GTF2IRD1: variants seen among roughly 807,000 people sequenced by gnomAD.
GTF2IRD1 encodes the protein GTF2I repeat domain containing 1, also known as general transcription factor II-I repeat domain-containing protein 1.
In GTF2IRD1, 26 loss-of-function variants were observed where a neutral mutation model predicts 113.2. That is an observed-to-expected ratio of 0.23 (90% CI 0.17 to 0.32). The LOEUF (loss-of-function observed/expected upper bound fraction) is 0.32. Among genes scored for constraint, GTF2IRD1 ranks in the 10% least tolerant of loss-of-function variants. The pLI is 1.00. For synonymous variants in GTF2IRD1, 484 were observed against 529.1 expected, an observed-to-expected ratio of 0.91 and a Z score of 1.17; for missense variants, 864 against 1,280.8, an observed-to-expected ratio of 0.67 and a Z score of 4.97.
intron 14 of GTF2IRD1, among the ~76,000 whole-genome samples, chr7:74,542,511 G>C (rs1554352074): frequency 6.6e-6 from 1 of 152,206 alleles, no homozygotes; most frequent in African/African-American, 2.4e-5. Flanking sequence ...GTAATCACTG[G>C]GGACAAACAA....
Position 74,536,291 on chromosome 7 carries a change from TGGCCCCGGA to T in GTF2IRD1, c.1409+22_1409+30del. ...GGAATGCTCGGTGAGGCCCCGCCCC[TGGCCCCGGA>T]GGCCCGCGGCCAGCCCTGCTCTGGG... On this transcript the variant is annotated intron_variant, in intron 11 of 26. Transcript: ENST00000424337. 6.5e-7 allele frequency: 1 copy of T among 1,530,168 alleles called. No individual in the cohort carries two copies. The highest frequency in any genetic ancestry group is 1.1e-5 in the South Asian group (1 of 89,374). The allele number at this position is 1,530,168 out of a possible 1,614,324, so 94.8% of individuals were successfully genotyped here. A position where few individuals can be genotyped will look rare whatever the true frequency, so the allele number is the denominator to read the frequency against.
intron 1 of GTF2IRD1, among the ~76,000 whole-genome samples, chr7:74,491,728 T>C (rs1449336541): frequency 6.6e-6 from 1 of 152,218 alleles, no homozygotes; most frequent in Non-Finnish European, 1.5e-5. Context: ...CAGTCTATCA[T>C]TGATGGGCAT....
chr7:74,521,166 T>G (rs1562830661), intron 6 of GTF2IRD1, 42 bp from the exon 7 acceptor site: 3 of 1,196,612 alleles, frequency 2.5e-6, no homozygotes, highest in Non-Finnish European at 3.7e-6. Context: ...GGAACCCTCT[T>G]GGGTCCCACC....
intron 1 of GTF2IRD1, among the ~76,000 whole-genome samples, chr7:74,469,832 T>C (rs1261553503): frequency 2.0e-5 from 3 of 151,958 alleles, no homozygotes; most frequent in Non-Finnish European, 4.4e-5. Flanking sequence ...GCCTCCCAAG[T>C]AGCTGGGACT....
At chr7:74,480,312 T>C (rs782385456) in intron 1 of GTF2IRD1, among the ~76,000 whole-genome samples, 1 of 152,118 alleles carries the variant, frequency 6.6e-6, no homozygotes, top group Non-Finnish European at 1.5e-5. Context: ...CCCCTGTGAT[T>C]GTCCCCACGT....
intron 22 of GTF2IRD1, among the ~76,000 whole-genome samples, chr7:74,563,319 C>T (rs1192439111): frequency 1.6e-4 from 24 of 152,224 alleles, no homozygotes; most frequent in African/African-American, 5.1e-4. Context: ...GTGGCTCACG[C>T]CTGTAATTCC....
chr7:74,580,986 T>G (rs1554365960), intron 22 of GTF2IRD1, among the ~76,000 whole-genome samples: 1 of 152,146 alleles, frequency 6.6e-6, no homozygotes, highest in Non-Finnish European at 1.5e-5. Flanking sequence ...GTTTGCTGAC[T>G]TGGTGTTCCG....
At chr7:74,589,981 G>T in intron 23 of GTF2IRD1, 53 bp downstream of exon 23, 2 of 1,204,772 alleles carry the variant, frequency 1.7e-6, no homozygotes, top group Non-Finnish European at 2.4e-6. Context: ...CGGGGGTGGT[G>T]GGGGGCCTCC....
intron 20 of GTF2IRD1, among the ~76,000 whole-genome samples, chr7:74,558,348 T>TTTTTTTTTTTTTTTTTG (rs1554357895): frequency 1.6e-5 from 1 of 62,216 alleles, no homozygotes; most frequent in African/African-American, 1.2e-4. Flanking sequence ...CTTTCGTTTC[T>TTTTTTTTTTTTTTTTTG]TTTTTTTTTT....
intron 1 of GTF2IRD1, among the ~76,000 whole-genome samples, chr7:74,477,025 C>A (rs1800438036): frequency 6.6e-6 from 1 of 152,044 alleles, no homozygotes; most frequent in Admixed American, 6.6e-5. Context: ...GGAATGGGGA[C>A]TAGAAGATGA....
rs1344101868 is a variant in GTF2IRD1 at position 74,515,287 on chromosome 7, T to C, written c.266-154T>C. 9.4e-6 allele frequency: 14 copies of C among 1,483,228 alleles called. No homozygotes were observed. The Admixed American group carries it at 2.6e-4, about 27-fold the overall frequency. The allele number at this position is 1,483,228 out of a possible 1,614,324, so 91.9% of individuals were successfully genotyped here. On this transcript the variant is annotated intron_variant, in intron 3 of 26. Transcript: ENST00000424337. The stretch of plus-strand genomic sequence containing the variant: ...CTCAGTGGGGTGGTTGGAATAGGGC[T>C]TGCTCACTCATTAATTCTTCATTCA...
At chr7:74,563,756 C>T (rs1337388396) in intron 22 of GTF2IRD1, among the ~76,000 whole-genome samples, 1 of 151,720 alleles carries the variant, frequency 6.6e-6, no homozygotes, top group South Asian at 2.1e-4. Flanking sequence ...CACGGTGGCA[C>T]GCACCTGTAG....
intron 2 of GTF2IRD1, 134 bp downstream of exon 2, chr7:74,508,337 G>T: frequency 1.2e-6 from 1 of 868,254 alleles, no homozygotes; most frequent in Non-Finnish European, 1.8e-6. Context: ...TGCAGCTAGG[G>T]CCACGATGCC....
At chr7:74,471,686 A>C (rs1342239730) in intron 1 of GTF2IRD1, among the ~76,000 whole-genome samples, 23 of 73,356 alleles carry the variant, frequency 3.1e-4, no homozygotes, top group Middle Eastern at 6.2e-3. Flanking sequence ...AAAAAAAAAA[A>C]AAACAAAAAA....
intron 1 of GTF2IRD1, among the ~76,000 whole-genome samples, chr7:74,459,011 C>A (rs1381457454): frequency 2.0e-5 from 3 of 152,110 alleles, no homozygotes; most frequent in Admixed American, 2.0e-4. Context: ...TCCACTCGTC[C>A]TGTGGAACTG....
At chr7:74,499,552 C>T (rs1554338906) in intron 1 of GTF2IRD1, among the ~76,000 whole-genome samples, 1 of 150,582 alleles carries the variant, frequency 6.6e-6, no homozygotes, top group African/African-American at 2.4e-5. Flanking sequence ...ATGCACACAC[C>T]AAGGAATGGA....
intron 5 of GTF2IRD1, among the ~76,000 whole-genome samples, chr7:74,519,178 A>G (rs1554345301): frequency 6.6e-6 from 1 of 152,216 alleles, no homozygotes; most frequent in East Asian, 1.9e-4. Flanking sequence ...GGATTGGAGC[A>G]GAGGGGCAGG....
chr7:74,475,184 G>T (rs1554333264), intron 1 of GTF2IRD1, among the ~76,000 whole-genome samples: 2 of 152,166 alleles, frequency 1.3e-5, no homozygotes, highest in African/African-American at 4.8e-5. Context: ...GAACCCAGGA[G>T]TTGGAGGCTG....
chr7:74,536,028 T>C (rs1215097272), intron 10 of GTF2IRD1, 139 bp from the exon 11 acceptor site: 8 of 596,350 alleles, frequency 1.3e-5, no homozygotes, highest in Non-Finnish European at 2.1e-5. Context: ...TGGCTGGACG[T>C]GGCGCCCACA....
Sources: allele counts gnomAD v4.1 joint callset (sites outside exome capture counted in the v4.1 genomes callset), GRCh38; gene constraint gnomAD v4.1.1; transcripts MANE v1.5; gene names NCBI Gene and HGNC (gene_info 2026-07-23, HGNC 2026-07-21).